Variants in LURAP1L observed in about 807,000 individuals in gnomAD.
LURAP1L encodes the protein leucine rich adaptor protein 1 like.
LURAP1L carries 12 observed loss-of-function variants against 13.8 expected under a neutral mutation model. The observed-to-expected ratio is 0.87, with a 90% CI of 0.56 to 1.41. LURAP1L has a LOEUF of 1.41. Among genes scored for constraint, LURAP1L ranks in the 40% most tolerant of loss-of-function variants. LURAP1L has a pLI of 0.00. For missense variants in LURAP1L, 375 were observed against 292.9 expected, an observed-to-expected ratio of 1.28 and a Z score of -2.04; for synonymous variants, 139 against 119.2, an observed-to-expected ratio of 1.17 and a Z score of -1.08.
chr9:12,799,188 G>C (rs1042900967), intron 1 of LURAP1L, among the ~76,000 whole-genome samples: 3 of 152,156 alleles, frequency 2.0e-5, no homozygotes, highest in Non-Finnish European at 4.4e-5. Context: ...AAGTCATCAA[G>C]CTTGTGTCCA....
chr9:12,783,407 C>T (rs1687405478), intron 1 of LURAP1L, among the ~76,000 whole-genome samples: 1 of 152,062 alleles, frequency 6.6e-6, no homozygotes, highest in Admixed American at 6.5e-5. Context: ...GAGTTTTTAT[C>T]ATAAAGAGAT....
chr9:12,820,511 C>T (rs868219749), intron 1 of LURAP1L, among the ~76,000 whole-genome samples: 2 of 88,780 alleles, frequency 2.3e-5, no homozygotes, highest in African/African-American at 4.5e-5. Flanking sequence ...CCCCCCCCCC[C>T]CCCAAAAAAA....
chr9:12,816,147 T>C (rs1819802250), intron 1 of LURAP1L, among the ~76,000 whole-genome samples: 1 of 152,216 alleles, frequency 6.6e-6, no homozygotes, highest in Non-Finnish European at 1.5e-5. Context: ...GATTATCTGA[T>C]CTGTAGACTC....
At chr9:12,779,562 G>T (rs1819241191) in intron 1 of LURAP1L, among the ~76,000 whole-genome samples, 1 of 152,228 alleles carries the variant, frequency 6.6e-6, no homozygotes, top group East Asian at 1.9e-4. Flanking sequence ...GAGCCACCGT[G>T]TACGGCCGAA....
In LURAP1L at chr9:12,821,248, G is replaced by A; in HGVS notation, c.313-138G>A. On this transcript the variant is annotated intron_variant, in intron 1 of 1. Coordinates refer to ENST00000319264, the MANE Select transcript of LURAP1L (RefSeq NM_203403.2). ...ACCATCAGTCAGCAATTATCAAAAAGTTCCTGACAACCAGTCCACTTATAT... is the reference window on the plus strand; with the variant it reads ...ACCATCAGTCAGCAATTATCAAAAAATTCCTGACAACCAGTCCACTTATAT... The A allele has an allele frequency of 5.8e-6, 6 of 1,026,040 alleles. No individual in the cohort carries two copies. The South Asian group carries it at 8.0e-5, about 14-fold the overall frequency. The allele number at this position is 1,026,040 out of a possible 1,614,324, so 63.6% of individuals were successfully genotyped here.
chr9:12,810,832 C>T (rs1819726420), intron 1 of LURAP1L, among the ~76,000 whole-genome samples: 1 of 152,078 alleles, frequency 6.6e-6, no homozygotes, highest in Non-Finnish European at 1.5e-5. Context: ...GAGAGTCCCA[C>T]CCAAAAGTTT....
intron 1 of LURAP1L, among the ~76,000 whole-genome samples, chr9:12,791,335 T>G (rs1482081974): frequency 6.6e-6 from 1 of 152,100 alleles, no homozygotes; most frequent in African/African-American, 2.4e-5. Context: ...CTGTGTGGGT[T>G]TCCCCCTAAA....
intron 1 of LURAP1L, among the ~76,000 whole-genome samples, chr9:12,788,859 C>A (rs1037384084): frequency 6.6e-6 from 1 of 151,018 alleles, no homozygotes; most frequent in Admixed American, 6.6e-5. Flanking sequence ...GTCAGGAGTT[C>A]AAGACCAGCC....
intron 1 of LURAP1L, 101 bp from the exon 2 acceptor site, chr9:12,821,284 GA>G (rs1819876709): frequency 7.7e-7 from 1 of 1,301,478 alleles, no homozygotes; most frequent in East Asian, 2.3e-5. Flanking sequence ...TTTATTCTGT[GA>G]ATTTAAAATT....
At chr9:12,790,588 TAAAGAAAATA>T (rs1368975117) in intron 1 of LURAP1L, 2 of 151,836 alleles carry the variant, frequency 1.3e-5, no homozygotes, top group Non-Finnish European at 2.9e-5. Flanking sequence ...AAGAAAAAAA[TAAAGAAAATA>T]AAAGAAAAGG....
At position 12,821,555 on chromosome 9, in the gene LURAP1L, G is replaced by A. The variant is rs1156496659; in HGVS notation, c.482G>A (p.Arg161His). The change falls in exon 2 of 2, where the codon CGT (arginine) becomes CAT (histidine). Residue 161 changes from arginine (R) to histidine (H), a missense_variant. Physicochemically the swap from Arg to His is conservative, Grantham distance 29. Coordinates refer to ENST00000319264, the MANE Select transcript of LURAP1L (RefSeq NM_203403.2). ...TTGGAGAGTCAGAGCACCTCCTTAC[G>A]TGGCAGCTACAACAGCCTACACGAT... The part of the protein sequence containing the change: ...SLLESQSTSL[R>H]GSYNSLHDGS... The A allele has an allele frequency of 4.3e-6, 7 of 1,614,102 alleles. No individual in the cohort carries two copies. The highest frequency in any genetic ancestry group is 4.2e-6 in the Non-Finnish European group (5 of 1,180,014).
intron 1 of LURAP1L, among the ~76,000 whole-genome samples, chr9:12,803,487 AG>A (rs755416417): frequency 6.6e-6 from 1 of 152,244 alleles, no homozygotes; most frequent in East Asian, 1.9e-4. Context: ...AGGACATCAT[AG>A]GTGTAAATAA....
At position 12,820,499 on chromosome 9, in the gene LURAP1L, T is replaced by TCCCCCCCC. The variant is rs747476601; in HGVS notation, c.313-879_313-872dup. ...GCCTGGACGACAGATCGAGACTCCG[T>TCCCCCCCC]CCCCCCCCCCCCCCCAAAAAAAAAA... On this transcript the variant is annotated intron_variant, in intron 1 of 1. Coordinates refer to ENST00000319264, the MANE Select transcript of LURAP1L (RefSeq NM_203403.2). 4.8e-4 allele frequency among the ~76,000 whole-genome samples: 7 copies of TCCCCCCCC among 14,696 alleles called. 2 individuals carry two copies. Among genetic ancestry groups the TCCCCCCCC allele is most frequent in the Non-Finnish European group, 1.1e-3 (6 of 5,452 alleles). 9.6% of individuals were successfully genotyped at this position (14,696 alleles called of 152,430 possible).
At chr9:12,815,750 C>T (rs1819796775) in intron 1 of LURAP1L, among the ~76,000 whole-genome samples, 1 of 151,942 alleles carries the variant, frequency 6.6e-6, no homozygotes, top group African/African-American at 2.4e-5. Flanking sequence ...TCCAGAAAGG[C>T]AAAAAATGTC....
chr9:12,781,802 G>C (rs1819275421), intron 1 of LURAP1L, among the ~76,000 whole-genome samples: 1 of 152,106 alleles, frequency 6.6e-6, no homozygotes, highest in Admixed American at 6.6e-5. Flanking sequence ...TTATATATTA[G>C]TTCTAATTTT....
Position 12,821,528 on chromosome 9 carries a change from T to C in LURAP1L, c.455T>C (p.Leu152Ser), listed in dbSNP as rs1225275365. 6.2e-6 allele frequency: 10 copies of C among 1,614,106 alleles called. No homozygotes were observed. The highest frequency in any genetic ancestry group is 8.5e-6 in the Non-Finnish European group (10 of 1,180,024). Residue 152 changes from leucine (L) to serine (S), a missense_variant, in exon 2 of 2, where the codon TTG (leucine) becomes TCG (serine). By Grantham distance (145) the Leu-to-Ser change is moderately radical. Transcript: ENST00000319264. ...GSSLSGSLCS[L>S]LESQSTSLRG... is the part of the protein sequence containing the mutation. ...AGCCTCAGTGGCAGCCTGTGCAGTT[T>C]GTTGGAGAGTCAGAGCACCTCCTTA...
At chr9:12,821,315 C>T in intron 1 of LURAP1L, 71 bp from the exon 2 acceptor site, 1 of 1,496,564 alleles carries the variant, frequency 6.7e-7, no homozygotes, top group Non-Finnish European at 9.0e-7. Context: ...AGCAGACAGT[C>T]CCCAGATGAA....
At position 12,821,991 on chromosome 9, in the gene LURAP1L, T is replaced by C; in HGVS notation, c.*231T>C. 1 of 441,448 alleles carries C rather than the reference T, an allele frequency of 2.3e-6. No individual in the cohort carries two copies. The highest frequency in any genetic ancestry group is 3.9e-6 in the Non-Finnish European group (1 of 254,366). The allele number at this position is 441,448 out of a possible 1,614,324, so 27.3% of individuals were successfully genotyped here. ...TTTATTACAATGATTTTCTCCCTTC[T>C]TTTACAGTAGCACAAACAAAGTAGG... is the stretch of plus-strand genomic sequence containing the variant. On this transcript the variant is annotated 3_prime_UTR_variant, in exon 2 of 2. Coordinates refer to ENST00000319264, the MANE Select transcript of LURAP1L (RefSeq NM_203403.2).
At chr9:12,779,524 C>T (rs183831131) in intron 1 of LURAP1L, among the ~76,000 whole-genome samples, 1 of 152,190 alleles carries the variant, frequency 6.6e-6, no homozygotes, top group Admixed American at 6.5e-5. Flanking sequence ...TCCGCCACGG[C>T]CTCTCAAAGT....
Sources: gnomAD v4.1 joint callset for allele counts (sites outside exome capture counted in the v4.1 genomes callset) on GRCh38, gnomAD v4.1.1 for gene constraint, MANE v1.5 for transcripts, NCBI Gene and HGNC (gene_info 2026-07-23, HGNC 2026-07-21) for gene names.